PTPRO: variants seen among roughly 807,000 people sequenced by gnomAD.
PTPRO encodes the protein receptor-type tyrosine-protein phosphatase O.
In PTPRO, 62 loss-of-function variants were observed where a neutral mutation model predicts 145.2. That is an observed-to-expected ratio of 0.43 (90% CI 0.35 to 0.53). PTPRO has a LOEUF of 0.53. Among genes scored for constraint, PTPRO ranks in the 20% least tolerant of loss-of-function variants. PTPRO has a pLI of 0.01. For synonymous variants in PTPRO, 565 were observed against 514.7 expected, an observed-to-expected ratio of 1.10 and a Z score of -1.32; for missense variants, 1,345 against 1,482.7, an observed-to-expected ratio of 0.91 and a Z score of 1.53.
At chr12:15,557,574 T>TGC (rs1219594593) in intron 16 of PTPRO, 51 bp downstream of exon 16, 1 of 1,540,228 alleles carries the variant, frequency 6.5e-7, no homozygotes, top group Non-Finnish European at 9.0e-7. Context: ...ATGCTGTGTG[T>TGC]GCTCCAAAGT....
At chr12:15,409,410 C>T (rs1344863400) in intron 1 of PTPRO, among the ~76,000 whole-genome samples, 1 of 152,088 alleles carries the variant, frequency 6.6e-6, no homozygotes, top group Non-Finnish European at 1.5e-5. Context: ...TTTCATTTGT[C>T]AATGCAACAT....
chr12:15,337,382 C>G (rs532241970), intron 1 of PTPRO: 1 of 152,164 alleles, frequency 6.6e-6, no homozygotes, highest in Non-Finnish European at 1.5e-5. Context: ...CCAACCGGAA[C>G]ACTTCCGAGA....
intron 1 of PTPRO, among the ~76,000 whole-genome samples, chr12:15,408,212 T>G (rs1939699348): frequency 7.4e-6 from 1 of 135,018 alleles, no homozygotes; most frequent in African/African-American, 2.6e-5. Context: ...CACCTGTTCT[T>G]TTTTTTTATT....
At chr12:15,396,442 A>T (rs1305041523) in intron 1 of PTPRO, among the ~76,000 whole-genome samples, 1 of 151,088 alleles carries the variant, frequency 6.6e-6, no homozygotes, top group Non-Finnish European at 1.5e-5. Flanking sequence ...TTACTAAATT[A>T]CAAAAAAAAT....
At chr12:15,494,445 A>G (rs1454784526) in intron 2 of PTPRO, among the ~76,000 whole-genome samples, 3 of 152,222 alleles carry the variant, frequency 2.0e-5, no homozygotes, top group Non-Finnish European at 4.4e-5. Flanking sequence ...CTTAATTTCT[A>G]AAAAGAAAGA....
At chr12:15,381,145 C>T (rs571068447) in intron 1 of PTPRO, among the ~76,000 whole-genome samples, 17 of 152,226 alleles carry the variant, frequency 1.1e-4, no homozygotes, top group African/African-American at 3.9e-4. Context: ...ATTAATTAAT[C>T]GTGTATCCTT....
chr12:15,546,768 C>A, intron 13 of PTPRO, 60 bp downstream of exon 13: 2 of 1,584,006 alleles, frequency 1.3e-6, no homozygotes, highest in African/African-American at 1.3e-5. Flanking sequence ...ATTATCTGGG[C>A]AAAATAAGAA....
At chr12:15,455,296 C>T (rs961574628) in intron 1 of PTPRO, among the ~76,000 whole-genome samples, 3 of 151,668 alleles carry the variant, frequency 2.0e-5, no homozygotes, top group Admixed American at 2.0e-4. Context: ...CTGTTCACCT[C>T]CCCACTGCCC....
intron 1 of PTPRO, among the ~76,000 whole-genome samples, chr12:15,466,559 A>G (rs1438893872): frequency 6.6e-6 from 1 of 152,138 alleles, no homozygotes; most frequent in Non-Finnish European, 1.5e-5. Context: ...ATTAAATGTA[A>G]TTTCCACCTT....
intron 1 of PTPRO, among the ~76,000 whole-genome samples, chr12:15,455,830 A>T (rs1333404962): frequency 6.6e-6 from 1 of 152,082 alleles, no homozygotes. Context: ...CCTCTTTTTC[A>T]GTTTGAATGC....
At chr12:15,454,939 A>G (rs978546279) in intron 1 of PTPRO, among the ~76,000 whole-genome samples, 1 of 152,130 alleles carries the variant, frequency 6.6e-6, no homozygotes, top group African/African-American at 2.4e-5. Flanking sequence ...CCATCGGTCT[A>G]TATGTCTCTA....
chr12:15,472,471 T>A (rs1941564587), intron 1 of PTPRO, among the ~76,000 whole-genome samples: 2 of 152,178 alleles, frequency 1.3e-5, no homozygotes, highest in African/African-American at 4.8e-5. Flanking sequence ...ATTCTGATCA[T>A]CCTCCGTTGA....
chr12:15,415,596 A>C lies in PTPRO; in HGVS notation c.76-68378A>C, dbSNP rs192150146. The stretch of plus-strand genomic sequence containing the variant: ...AGACGGGGTTTCACTCATGTTAGCC[A>C]GGATGGTCTCGATCTCCCGACCTTG... On this transcript the variant is annotated intron_variant, in intron 1 of 26. Coordinates refer to ENST00000281171, the MANE Select transcript of PTPRO (RefSeq NM_030667.3). Among the ~76,000 whole-genome samples, 3 of 151,724 alleles carry C rather than the reference A, an allele frequency of 2.0e-5. No homozygotes were observed. In the South Asian group the frequency reaches 6.2e-4, roughly 31 times the overall value.
intron 1 of PTPRO, chr12:15,439,819 G>A (rs907486874): frequency 4.9e-6 from 3 of 612,902 alleles, no homozygotes; most frequent in African/African-American, 3.6e-5. Flanking sequence ...TTTTCTTGGG[G>A]GCCTCTCTCA....
At chr12:15,419,419 C>G (rs563618611) in intron 1 of PTPRO, among the ~76,000 whole-genome samples, 1 of 151,634 alleles carries the variant, frequency 6.6e-6, no homozygotes, top group East Asian at 1.9e-4. Flanking sequence ...CAGATTGCTT[C>G]CCTTCTTTTC....
At chr12:15,456,143 C>T (rs11056500) in intron 1 of PTPRO, among the ~76,000 whole-genome samples, 28,743 of 151,978 alleles carry the variant, frequency 0.19, 2,845 homozygotes, top group East Asian at 0.33. Context: ...AGTTAGTTTC[C>T]TTCTATTCCC....
At chr12:15,490,284 C>T (rs1941973510) in intron 2 of PTPRO, among the ~76,000 whole-genome samples, 1 of 152,102 alleles carries the variant, frequency 6.6e-6, no homozygotes, top group Non-Finnish European at 1.5e-5. Flanking sequence ...ACAATTCATT[C>T]TAGGGGTTAG....
chr12:15,538,388 C>T (rs1943110146), intron 12 of PTPRO, among the ~76,000 whole-genome samples: 1 of 152,090 alleles, frequency 6.6e-6, no homozygotes, highest in Non-Finnish European at 1.5e-5. Context: ...CCACGCCTGG[C>T]TAATTTTTGT....
At chr12:15,448,991 A>G (rs1222993616) in intron 1 of PTPRO, among the ~76,000 whole-genome samples, 2 of 137,028 alleles carry the variant, frequency 1.5e-5, no homozygotes, top group African/African-American at 5.0e-5. Context: ...TATTGATAAA[A>G]GAAAAAGTTA....
Sources: gnomAD v4.1 joint callset for allele counts (sites outside exome capture counted in the v4.1 genomes callset) on GRCh38, gnomAD v4.1.1 for gene constraint, MANE v1.5 for transcripts, NCBI Gene and HGNC (gene_info 2026-07-23, HGNC 2026-07-21) for gene names.